Variants in PTK2 observed in about 807,000 individuals in gnomAD.
PTK2 encodes protein tyrosine kinase 2.
In PTK2, 45 loss-of-function variants were observed where a neutral mutation model predicts 150.1. The ratio of observed to expected loss-of-function variants is 0.30; its 90% confidence interval spans 0.24 to 0.38. The LOEUF is 0.38. PTK2 is among the 10% of genes least tolerant of loss of function. The probability of loss-of-function intolerance (pLI) is 1.00; values close to 1 mark genes in which losing one functional copy is unlikely to be tolerated. For missense variants in PTK2, 919 were observed against 1,307.3 expected (o/e 0.70, Z 4.58); for synonymous variants, 432 against 449.2 (o/e 0.96, Z 0.48).
At chr8:140,664,840 C>G (rs1312054831) in intron 31 of PTK2, 77 bp downstream of exon 35, 2 of 1,435,698 alleles carry the variant, frequency 1.4e-6, no homozygotes, top group Admixed American at 3.6e-5. Flanking sequence ...GAGCGGCCTT[C>G]AGCACCACAG....
intron 1 of PTK2, among the ~76,000 whole-genome samples, chr8:140,980,752 C>CTTT (rs565678002): frequency 5.8e-5 from 8 of 138,952 alleles, no homozygotes; most frequent in African/African-American, 7.9e-5. Flanking sequence ...GGCTCTAAAG[C>CTTT]TTTTTTTTTT....
intron 3 of PTK2, among the ~76,000 whole-genome samples, chr8:140,880,405 T>A (rs1182190340): frequency 2.0e-5 from 3 of 152,132 alleles, no homozygotes; most frequent in Admixed American, 6.6e-5. Flanking sequence ...TACCTAGGTA[T>A]GAGGGCCATG....
rs190798308 is a variant in PTK2, at chr8:140,869,165, G to C, written c.363-4766C>G. Among the ~76,000 whole-genome samples, 10 of 136,770 alleles carry C rather than the reference G, an allele frequency of 7.3e-5. No individual in the cohort carries two copies. The East Asian group carries it at 1.8e-3, about 25-fold the overall frequency. 89.7% of individuals were successfully genotyped at this position (136,770 alleles called of 152,430 possible). A position where few individuals can be genotyped will look rare whatever the true frequency, so the allele number is the denominator to read the frequency against. Reference sequence around the variant, plus strand: ...ACAAAACCAGTTTTAAATCAGCTTGGTCAATAAATATGAGTTGTACAGCCA... The same window carrying C: ...ACAAAACCAGTTTTAAATCAGCTTGCTCAATAAATATGAGTTGTACAGCCA... On this transcript the variant is annotated intron_variant, in intron 4 of 31. Transcript: ENST00000522684.
At chr8:140,787,860 G>A (rs1043657890) in intron 14 of PTK2, among the ~76,000 whole-genome samples, 1 of 152,160 alleles carries the variant, frequency 6.6e-6, no homozygotes, top group African/African-American at 2.4e-5. Flanking sequence ...AAGGGCCTGC[G>A]AGTTATTCAA....
intron 26 of PTK2, among the ~76,000 whole-genome samples, chr8:140,688,571 A>G (rs1290567578): frequency 6.6e-6 from 1 of 151,606 alleles, no homozygotes; most frequent in Non-Finnish European, 1.5e-5. Context: ...AATTTTAACA[A>G]TTAGCTGGGA....
intron 1 of PTK2, among the ~76,000 whole-genome samples, chr8:140,970,888 T>G (rs1484493176): frequency 1.7e-5 from 2 of 115,620 alleles, no homozygotes; most frequent in East Asian, 2.4e-4. Flanking sequence ...AAGAAATATG[T>G]CAAAAAAAAA....
intron 2 of PTK2, among the ~76,000 whole-genome samples, chr8:140,914,384 T>G (rs1003564681): frequency 6.0e-5 from 9 of 151,148 alleles, no homozygotes; most frequent in African/African-American, 2.2e-4. Context: ...TTTACAAAAA[T>G]CAGCATCACT....
intron 5 of PTK2, among the ~76,000 whole-genome samples, chr8:140,852,092 A>T (rs1006534155): frequency 6.6e-6 from 1 of 152,126 alleles, no homozygotes; most frequent in Non-Finnish European, 1.5e-5. Context: ...TTTGAATATC[A>T]GGGCATTAGG....
intron 1 of PTK2, among the ~76,000 whole-genome samples, chr8:140,952,425 CAG>C (rs764418473): frequency 2.0e-5 from 3 of 152,124 alleles, no homozygotes; most frequent in Non-Finnish European, 4.4e-5. Flanking sequence ...CTATGAAGGA[CAG>C]GGGGACACAG....
intron 22 of PTK2, among the ~76,000 whole-genome samples, chr8:140,719,875 G>A (rs576625656): frequency 9.2e-6 from 1 of 108,404 alleles, no homozygotes; most frequent in East Asian, 2.9e-4. Context: ...GACAGAGTGA[G>A]ACTTGTCTCA....
At chr8:140,925,924 G>A (rs116125437) in intron 1 of PTK2, among the ~76,000 whole-genome samples, 175 bp from the exon 2 acceptor site, 3 of 152,184 alleles carry the variant, frequency 2.0e-5, no homozygotes, top group African/African-American at 7.2e-5. Flanking sequence ...GATGATACCA[G>A]GTAGATGCTA....
At chr8:140,703,613 C>A (rs1051154754) in intron 24 of PTK2, among the ~76,000 whole-genome samples, 31 of 145,154 alleles carry the variant, frequency 2.1e-4, no homozygotes, top group African/African-American at 5.0e-4. Context: ...ACAACAACAA[C>A]AAAAATACAC....
chr8:140,973,489 TAC>T (rs1053419531), intron 1 of PTK2, among the ~76,000 whole-genome samples: 1 of 151,504 alleles, frequency 6.6e-6, no homozygotes, highest in East Asian at 1.9e-4. Flanking sequence ...GGGGCACACA[TAC>T]ACACACACGT....
intron 1 of PTK2, among the ~76,000 whole-genome samples, chr8:140,982,064 T>TAAAAAA (rs142919207): frequency 2.7e-5 from 3 of 112,346 alleles, no homozygotes; most frequent in Non-Finnish European, 6.2e-5. Context: ...ACCAACTCAA[T>TAAAAAA]AAAAAAAAAA....
chr8:140,746,225 G>A (rs1020995844), intron 18 of PTK2, among the ~76,000 whole-genome samples: 8 of 152,034 alleles, frequency 5.3e-5, no homozygotes, highest in East Asian at 1.9e-4. Context: ...CCAGCAACTC[G>A]GGAAGTTGAG....
intron 4 of PTK2, among the ~76,000 whole-genome samples, chr8:140,869,366 T>C (rs1353080009): frequency 6.6e-6 from 1 of 152,176 alleles, no homozygotes; most frequent in Non-Finnish European, 1.5e-5. Context: ...ACATCTAAAA[T>C]TGATGCCAAC....
At chr8:140,981,939 T>A (rs577604233) in intron 1 of PTK2, among the ~76,000 whole-genome samples, 2 of 152,180 alleles carry the variant, frequency 1.3e-5, no homozygotes, top group East Asian at 3.9e-4. Flanking sequence ...AGGTAGAGAT[T>A]ATCTCTACCT....
At chr8:140,935,604 C>T (rs894739433) in intron 1 of PTK2, among the ~76,000 whole-genome samples, 2 of 152,040 alleles carry the variant, frequency 1.3e-5, no homozygotes, top group Non-Finnish European at 2.9e-5. Context: ...TTGCAAAGAC[C>T]TCTATCTGAG....
At chr8:140,801,786 A>G (rs1431971959) in intron 11 of PTK2, among the ~76,000 whole-genome samples, 1 of 152,204 alleles carries the variant, frequency 6.6e-6, no homozygotes, top group African/African-American at 2.4e-5. Flanking sequence ...CAGTATATAT[A>G]GTCAATGCAC....
Sources: gnomAD v4.1 joint callset for allele counts (sites outside exome capture counted in the v4.1 genomes callset) on GRCh38, gnomAD v4.1.1 for gene constraint, MANE v1.5 for transcripts, NCBI Gene and HGNC (gene_info 2026-07-23, HGNC 2026-07-21) for gene names.